C1orf21: variants seen among roughly 807,000 people sequenced by gnomAD.
C1orf21 encodes the protein uncharacterized protein C1orf21.
In C1orf21, 3 loss-of-function variants were observed where a neutral mutation model predicts 18.7. The ratio of observed to expected loss-of-function variants is 0.16; its 90% CI spans 0.07 to 0.42. The LOEUF is 0.42. Ranked by LOEUF, C1orf21 falls within the 10% of genes least tolerant of loss-of-function variation. The pLI is 0.99. For missense variants in C1orf21, 104 were observed against 143.6 expected (o/e 0.72, Z 1.41); for synonymous variants, 41 against 46.4 (o/e 0.88, Z 0.47).
At chr1:184,401,833 A>G (rs1656157620) in intron 1 of C1orf21, among the ~76,000 whole-genome samples, 1 of 151,544 alleles carries the variant, frequency 6.6e-6, no homozygotes, top group African/African-American at 2.4e-5. Context: ...TTTAACCTAA[A>G]GTATCAAAAA....
At chr1:184,502,827 C>T (rs1210285693) in intron 2 of C1orf21, among the ~76,000 whole-genome samples, 1 of 151,872 alleles carries the variant, frequency 6.6e-6, no homozygotes, top group Admixed American at 6.6e-5. Context: ...CCTGTAATTC[C>T]AACACTTTGG....
intron 1 of C1orf21, among the ~76,000 whole-genome samples, chr1:184,460,931 G>T (rs889318300): frequency 6.6e-6 from 1 of 152,028 alleles, no homozygotes; most frequent in Non-Finnish European, 1.5e-5. Context: ...TTCCATCACT[G>T]TTTGACGTTG....
intron 1 of C1orf21, among the ~76,000 whole-genome samples, chr1:184,411,465 A>G (rs1415561299): frequency 2.5e-5 from 3 of 120,952 alleles, no homozygotes; most frequent in East Asian, 4.9e-4. Flanking sequence ...TCTGTCGCCC[A>G]GGCTGGAGTG....
rs118082132 is a variant in C1orf21 at position 184,443,201 on chromosome 1, G to A, written c.-124-34185G>A. Among the ~76,000 whole-genome samples, 80 of 152,252 alleles carry A rather than the reference G, an allele frequency of 5.3e-4. No individual in the cohort carries two copies. In the East Asian group the frequency reaches 0.014, roughly 27 times the overall value. The stretch of plus-strand genomic sequence containing the variant: ...TATACTTAGCATTTCTACTCCTTGC[G>A]TGCAAATTTATTTTATTTCTGTGGA... On this transcript the variant is annotated intron_variant, in intron 1 of 5. Coordinates refer to ENST00000235307, the MANE Select transcript of C1orf21 (RefSeq NM_030806.4).
rs199939881 is a variant in C1orf21, at chr1:184,393,831, C to CT, written c.-125+6472dup. ...GTTTATTTAATTTCATCTTCATTAC[C>CT]TTTTTTTTTCTCCTTTGGTTAAGTA... On this transcript the variant is annotated intron_variant, in intron 1 of 5. Coordinates refer to ENST00000235307, the MANE Select transcript of C1orf21 (RefSeq NM_030806.4). Among the ~76,000 whole-genome samples, 78 of 151,594 alleles carry CT rather than the reference C, an allele frequency of 5.1e-4. 1 individual carries two copies. In the East Asian group the frequency reaches 0.012, roughly 24 times the overall value.
chr1:184,466,184 T>C (rs1657394671), intron 1 of C1orf21, among the ~76,000 whole-genome samples: 1 of 152,212 alleles, frequency 6.6e-6, no homozygotes, highest in Non-Finnish European at 1.5e-5. Context: ...TAACCGTATG[T>C]GTTCTTTAAT....
intron 1 of C1orf21, among the ~76,000 whole-genome samples, chr1:184,403,733 C>A (rs1379099677): frequency 1.3e-5 from 2 of 152,110 alleles, no homozygotes; most frequent in Admixed American, 6.6e-5. Flanking sequence ...GAACACTTGG[C>A]TTTTAATTTT....
chr1:184,477,455 G>A lies in C1orf21; in HGVS notation c.-55G>A, dbSNP rs1657589604. 2.0e-6 allele frequency: 3 copies of A among 1,466,646 alleles called. No individual in the cohort carries two copies. The highest frequency in any genetic ancestry group is 9.4e-7 in the Non-Finnish European group (1 of 1,058,212). 90.9% of individuals were successfully genotyped at this position (1,466,646 alleles called of 1,614,324 possible). ...GTGTTTAAAGAAAAAAAATGTCCCT[G>A]TGTCTGTAGAGATGATTTGCAGTTC... On this transcript the variant is annotated 5_prime_UTR_variant, in exon 2 of 6. It adds an upstream start codon to the 5' untranslated region. Coordinates refer to ENST00000235307, the MANE Select transcript of C1orf21 (RefSeq NM_030806.4).
rs187049265 is a variant in C1orf21, at chr1:184,600,135, C to T, written c.327+1674C>T. Reference sequence around the variant, plus strand: ...TCTTTTTAAACAACACTTACAAACACTTAAAATGATATAATCTATATCCAA... The same window carrying T: ...TCTTTTTAAACAACACTTACAAACATTTAAAATGATATAATCTATATCCAA... On this transcript the variant is annotated intron_variant, in intron 5 of 5. Coordinates refer to ENST00000235307, the MANE Select transcript of C1orf21 (RefSeq NM_030806.4). 1.5e-3 allele frequency among the ~76,000 whole-genome samples: 231 copies of T among 151,988 alleles called. 2 individuals carry two copies. Among genetic ancestry groups the T allele is most frequent in the Middle Eastern group, 6.8e-3 (2 of 294 alleles).
chr1:184,390,657 C>T (rs1037945346), intron 1 of C1orf21, among the ~76,000 whole-genome samples: 6 of 152,112 alleles, frequency 3.9e-5, no homozygotes, highest in African/African-American at 1.2e-4. Flanking sequence ...ATATATAATA[C>T]AGGTTGGAGG....
chr1:184,484,609 G>A (rs187399413), intron 2 of C1orf21, among the ~76,000 whole-genome samples: 194 of 152,330 alleles, frequency 1.3e-3, no homozygotes, highest in Middle Eastern at 6.8e-3. Context: ...GAATCAGGTT[G>A]GGCACTGACT....
At chr1:184,473,375 T>C (rs1313877619) in intron 1 of C1orf21, among the ~76,000 whole-genome samples, 3 of 152,022 alleles carry the variant, frequency 2.0e-5, no homozygotes, top group Non-Finnish European at 4.4e-5. Context: ...GACTTACCTC[T>C]CTCTAAGCGC....
At chr1:184,594,954 TTTG>T (rs1435139610) in intron 4 of C1orf21, among the ~76,000 whole-genome samples, 1 of 152,196 alleles carries the variant, frequency 6.6e-6, no homozygotes, top group Non-Finnish European at 1.5e-5. Flanking sequence ...CATTCATTAA[TTTG>T]TTTACTTTGC....
intron 1 of C1orf21, among the ~76,000 whole-genome samples, chr1:184,463,254 G>A (rs537435767): frequency 4.1e-4 from 62 of 152,056 alleles, no homozygotes; most frequent in African/African-American, 1.4e-3. Flanking sequence ...GTGATCTCAG[G>A]GTAGGGCTTG....
chr1:184,486,461 G>A (rs184833825), intron 2 of C1orf21, among the ~76,000 whole-genome samples: 17 of 152,268 alleles, frequency 1.1e-4, no homozygotes, highest in South Asian at 8.3e-4. Context: ...TAAGGAGAGC[G>A]TCCAGAACAA....
intron 3 of C1orf21, among the ~76,000 whole-genome samples, chr1:184,583,319 G>A (rs1430838196): frequency 1.3e-5 from 2 of 152,120 alleles, no homozygotes; most frequent in Admixed American, 6.5e-5. Context: ...AAGTATATTC[G>A]ATTCATAAAG....
intron 3 of C1orf21, among the ~76,000 whole-genome samples, chr1:184,588,428 A>G (rs77660767): frequency 0.031 from 4,737 of 152,238 alleles, 120 homozygotes; most frequent in East Asian, 0.067. Flanking sequence ...TATAGGTAAA[A>G]GGGTCTTGAC....
At chr1:184,423,089 A>G (rs1434424806) in intron 1 of C1orf21, among the ~76,000 whole-genome samples, 4 of 152,218 alleles carry the variant, frequency 2.6e-5, no homozygotes, top group Non-Finnish European at 5.9e-5. Context: ...GAGTTGTTAT[A>G]AAGAGCCAAG....
At position 184,599,300 on chromosome 1, in the gene C1orf21, T is replaced by A. The variant is rs566704013; in HGVS notation, c.327+839T>A. 2.0e-5 allele frequency: 3 copies of A among 152,344 alleles called. No homozygotes were observed. The East Asian group carries it at 5.8e-4, about 29-fold the overall frequency. The allele number at this position is 152,344 out of a possible 1,614,324, so 9.4% of individuals were successfully genotyped here. Reference sequence around the variant, plus strand: ...ACCTTTGAAATCTTTCTGTTTTAATTTGTATTTGTTTTTTACTTTGTGTTG... The same window carrying A: ...ACCTTTGAAATCTTTCTGTTTTAATATGTATTTGTTTTTTACTTTGTGTTG... On this transcript the variant is annotated intron_variant, in intron 5 of 5. Transcript: ENST00000235307.
Sources: gnomAD v4.1 joint callset for allele counts (sites outside exome capture counted in the v4.1 genomes callset) on GRCh38, gnomAD v4.1.1 for gene constraint, MANE v1.5 for transcripts, NCBI Gene and HGNC (gene_info 2026-07-23, HGNC 2026-07-21) for gene names.